The following F13A1 variants were observed in gnomAD, a reference collection of about 807,000 sequenced individuals.
F13A1 encodes coagulation factor XIII A chain.
Under a neutral mutation model 80.1 loss-of-function variants are expected in F13A1, and 47 were observed. That is an observed-to-expected ratio of 0.59 (90% confidence interval 0.46 to 0.75). The LOEUF is 0.75. F13A1 is among the 30% of genes least tolerant of loss of function. The pLI, the probability that F13A1 is intolerant of heterozygous loss-of-function variation, is 0.00. For synonymous variants in F13A1, 349 were observed against 344.9 expected (o/e 1.01, Z -0.13); for missense variants, 817 against 930.4 (o/e 0.88, Z 1.59).
At chr6:6,146,076 C>T (rs1021140937) in intron 14 of F13A1, among the ~76,000 whole-genome samples, 2 of 152,158 alleles carry the variant, frequency 1.3e-5, no homozygotes, top group African/African-American at 4.8e-5. Context: ...ATCAACTGAA[C>T]TCTAGCTTGT....
At chr6:6,262,265 T>A (rs1757786627) in intron 4 of F13A1, among the ~76,000 whole-genome samples, 1 of 152,086 alleles carries the variant, frequency 6.6e-6, no homozygotes, top group East Asian at 1.9e-4. Context: ...GTGATTCTGA[T>A]GTGCTCCAAG....
intron 3 of F13A1, among the ~76,000 whole-genome samples, chr6:6,269,496 A>G (rs1402481637): frequency 2.6e-5 from 4 of 151,652 alleles, no homozygotes; most frequent in Non-Finnish European, 5.9e-5. Context: ...AGAAGTAAAA[A>G]AAGAAAAAAA....
intron 4 of F13A1, among the ~76,000 whole-genome samples, chr6:6,256,986 T>G (rs868775137): frequency 6.6e-6 from 1 of 152,142 alleles, no homozygotes; most frequent in Admixed American, 6.5e-5. Flanking sequence ...TTCTAATCCT[T>G]TAGAAGGAAT....
At chr6:6,202,371 T>A (rs1219041876) in intron 8 of F13A1, among the ~76,000 whole-genome samples, 1 of 152,222 alleles carries the variant, frequency 6.6e-6, no homozygotes, top group East Asian at 1.9e-4. Context: ...AAATCTACTT[T>A]GGGAGCTCTG....
chr6:6,183,091 C>T (rs1401259070), intron 10 of F13A1, among the ~76,000 whole-genome samples: 1 of 152,090 alleles, frequency 6.6e-6, no homozygotes, highest in Admixed American at 6.6e-5. Context: ...TACCAGAGTC[C>T]TTTATTACAT....
intron 11 of F13A1, among the ~76,000 whole-genome samples, chr6:6,181,486 C>A (rs1448834772): frequency 1.3e-5 from 2 of 152,176 alleles, no homozygotes; most frequent in South Asian, 2.1e-4. Flanking sequence ...GGCCTTCGAC[C>A]TAATTGTCCT....
chr6:6,154,083 G>A (rs887265488), intron 13 of F13A1, among the ~76,000 whole-genome samples: 4 of 150,240 alleles, frequency 2.7e-5, no homozygotes, highest in Admixed American at 6.7e-5. Flanking sequence ...GGTCAGAGGA[G>A]CTGGAAAAGC....
At chr6:6,287,617 C>T (rs1292081421) in intron 3 of F13A1, among the ~76,000 whole-genome samples, 6 of 152,116 alleles carry the variant, frequency 3.9e-5, no homozygotes, top group East Asian at 1.9e-4. Context: ...AAGACATCAG[C>T]GACTCTATTA....
intron 4 of F13A1, among the ~76,000 whole-genome samples, chr6:6,258,038 A>G (rs373070071): frequency 1.3e-5 from 2 of 152,154 alleles, no homozygotes; most frequent in East Asian, 1.9e-4. Flanking sequence ...TTTATTTATT[A>G]TGGCAGAAAT....
chr6:6,233,423 C>A (rs113428221), intron 6 of F13A1, among the ~76,000 whole-genome samples: 3 of 152,132 alleles, frequency 2.0e-5, no homozygotes, highest in Non-Finnish European at 4.4e-5. Flanking sequence ...CTGAACAGAC[C>A]AATAACAAGC....
chr6:6,254,181 G>A (rs1212566215), intron 4 of F13A1, among the ~76,000 whole-genome samples: 2 of 151,640 alleles, frequency 1.3e-5, no homozygotes, highest in Non-Finnish European at 2.9e-5. Context: ...GGTATGAAGA[G>A]ATGGATACTC....
At chr6:6,170,590 G>A (rs1760755691) in intron 12 of F13A1, among the ~76,000 whole-genome samples, 1 of 152,206 alleles carries the variant, frequency 6.6e-6, no homozygotes, top group Admixed American at 6.5e-5. Flanking sequence ...ACACAGACTG[G>A]AGCTGCCTCA....
rs1561673120 is a variant in F13A1, at chr6:6,266,566, C to A, written c.563G>T (p.Trp188Leu). Residue 188 changes from tryptophan to leucine, a missense_variant, in exon 4 of 15, where the codon TGG becomes TTG. Trp to Leu is a moderately conservative substitution (Grantham distance 61, BLOSUM62 -2). Transcript: ENST00000264870. ...AAATGTCTGCCTCTTACCTTCACAC[C>A]AAGGATTGAAGAGAATGTACGTGTC... Reference protein sequence around the residue: ...ETDTYILFNPWCEDDAVYLDN... With the variant: ...ETDTYILFNPLCEDDAVYLDN... The A allele has an allele frequency of 6.2e-7, 1 of 1,614,170 alleles. No individual in the cohort carries two copies. The highest frequency in any genetic ancestry group is 8.5e-7 in the Non-Finnish European group (1 of 1,180,036).
intron 12 of F13A1, among the ~76,000 whole-genome samples, chr6:6,174,316 G>C (rs1309606488): frequency 2.0e-5 from 3 of 152,130 alleles, no homozygotes; most frequent in African/African-American, 7.2e-5. Context: ...CTTGAACCCA[G>C]GAGGCAAAGG....
intron 14 of F13A1, among the ~76,000 whole-genome samples, chr6:6,150,648 A>G (rs996120694): frequency 6.6e-6 from 1 of 152,210 alleles, no homozygotes. Flanking sequence ...AATTCTTGAC[A>G]TATCTGGTCA....
intron 13 of F13A1, among the ~76,000 whole-genome samples, chr6:6,155,883 T>C (rs189708090): frequency 3.9e-5 from 6 of 152,232 alleles, no homozygotes; most frequent in African/African-American, 1.4e-4. Flanking sequence ...GCTGAAAGCA[T>C]AATTCCATAT....
chr6:6,162,346 G>A lies in F13A1; in HGVS notation c.1908+5112C>T, dbSNP rs1331909618. Among the ~76,000 whole-genome samples, 1 of 152,124 alleles carries A rather than the reference G, an allele frequency of 6.6e-6. No homozygotes were observed. Among genetic ancestry groups the A allele is most frequent in the Non-Finnish European group, 1.5e-5 (1 of 68,032 alleles). The stretch of plus-strand genomic sequence containing the variant: ...AGCCCTTGCTAACATTTTCTTCCTA[G>A]TATCTGAAGGGGTCTCTCCATCCAT... On this transcript the variant is annotated intron_variant, in intron 13 of 14. Transcript: ENST00000264870. This position sits in a 1 kb window ranked among gnomAD's most constrained non-coding sequence, Gnocchi z 4.2.
chr6:6,198,897 A>T lies in F13A1; in HGVS notation c.1113-1571T>A, dbSNP rs114667556. ...TCTCAGTGGAGCAAAGTCTCCAGGT[A>T]TTTGGGAAGTGATGTTTGAGCTGAG... is the stretch of plus-strand genomic sequence containing the variant. On this transcript the variant is annotated intron_variant, in intron 8 of 14. Transcript: ENST00000264870. 9.6e-3 allele frequency among the ~76,000 whole-genome samples: 1,457 copies of T among 152,262 alleles called. 25 individuals carry two copies. The highest frequency in any genetic ancestry group is 0.034 in the African/African-American group (1,411 of 41,540).
chr6:6,224,651 T>C (rs1442609308), intron 7 of F13A1, 35 bp downstream of exon 7: 6 of 1,599,788 alleles, frequency 3.8e-6, no homozygotes, highest in Non-Finnish European at 5.1e-6. Context: ...AAGTTTCCTT[T>C]ATATTAAAAA....
Sources: allele counts gnomAD v4.1 joint callset (sites outside exome capture counted in the v4.1 genomes callset), GRCh38; gene constraint gnomAD v4.1.1; non-coding constraint Gnocchi (gnomAD v3.1); transcripts MANE v1.5; gene names NCBI Gene and HGNC (gene_info 2026-07-23, HGNC 2026-07-21).